Variants in PKN2 observed in about 807,000 individuals in gnomAD.
The protein encoded by PKN2 is protein kinase N2.
In PKN2, 38 loss-of-function variants were observed where a neutral mutation model predicts 119.1. That is an observed-to-expected ratio of 0.32 (90% confidence interval 0.25 to 0.42). The LOEUF (loss-of-function observed/expected upper bound fraction) is 0.42. Ranked by LOEUF, PKN2 falls within the 10% of genes least tolerant of loss-of-function variation. The pLI is 1.00. For missense variants in PKN2, 850 were observed against 1,165.1 expected (o/e 0.73, Z 3.94); for synonymous variants, 390 against 384.9 (o/e 1.01, Z -0.15).
At chr1:88,685,850 T>C (rs938780285) in intron 1 of PKN2, among the ~76,000 whole-genome samples, 1 of 152,224 alleles carries the variant, frequency 6.6e-6, no homozygotes, top group Admixed American at 6.5e-5. Context: ...CTTGTTTAAA[T>C]ATACTTTTTA....
In PKN2 at chr1:88,684,290, A is replaced by G. The variant is rs1665969333; in HGVS notation, c.-291A>G. On this transcript the variant is annotated 5_prime_UTR_variant, in exon 1 of 22. Coordinates refer to ENST00000370521, the MANE Select transcript of PKN2 (RefSeq NM_006256.4). Reference sequence around the variant, plus strand: ...CTGCAGCCGCGGCCGCAGCGCCCGCACGGAGAGGCTTGAGGCGGCTCCTGG... The same window carrying G: ...CTGCAGCCGCGGCCGCAGCGCCCGCGCGGAGAGGCTTGAGGCGGCTCCTGG... 2.8e-6 allele frequency: 1 copy of G among 357,784 alleles called. No homozygotes were observed. Among genetic ancestry groups the G allele is most frequent in the African/African-American group, 2.1e-5 (1 of 47,458 alleles). 22.2% of individuals were successfully genotyped at this position (357,784 alleles called of 1,614,324 possible). A position where few individuals can be genotyped will look rare whatever the true frequency, so the allele number is the denominator to read the frequency against.
intron 15 of PKN2, among the ~76,000 whole-genome samples, chr1:88,810,616 A>G (rs1020610205): frequency 6.6e-6 from 1 of 151,850 alleles, no homozygotes; most frequent in Non-Finnish European, 1.5e-5. Context: ...CTTTATCTAT[A>G]TATTTTTTGA....
chr1:88,691,862 T>A (rs1293590858), intron 1 of PKN2, among the ~76,000 whole-genome samples: 4 of 152,220 alleles, frequency 2.6e-5, no homozygotes. Flanking sequence ...GTAATTACAG[T>A]ATAGTTATAA....
chr1:88,762,477 C>T (rs1004099365), intron 3 of PKN2, among the ~76,000 whole-genome samples: 12 of 152,056 alleles, frequency 7.9e-5, no homozygotes, highest in African/African-American at 2.9e-4. Flanking sequence ...GGTCAGAGTA[C>T]ATCGTTTTAG....
chr1:88,757,354 G>T (rs1296794106), intron 2 of PKN2, among the ~76,000 whole-genome samples: 7 of 152,124 alleles, frequency 4.6e-5, no homozygotes, highest in African/African-American at 1.7e-4. Context: ...TTTAGAAACA[G>T]TGTCTGACTT....
chr1:88,769,090 C>T (rs2100797772), intron 3 of PKN2, among the ~76,000 whole-genome samples: 1 of 152,322 alleles, frequency 6.6e-6, no homozygotes, highest in Middle Eastern at 3.4e-3. Flanking sequence ...GACCTAAATA[C>T]CTTCCAGTAG....
chr1:88,817,788 T>C (rs1209889935), intron 16 of PKN2, among the ~76,000 whole-genome samples: 1 of 150,750 alleles, frequency 6.6e-6, no homozygotes, highest in African/African-American at 2.5e-5. Flanking sequence ...AACTAGGTGT[T>C]GATGGGACGT....
At chr1:88,758,038 C>CAAAAAAAAAAAAAAAAAAAAAAAA (rs33914457) in intron 2 of PKN2, among the ~76,000 whole-genome samples, 2 of 59,070 alleles carry the variant, frequency 3.4e-5, no homozygotes, top group African/African-American at 6.8e-5. Context: ...GAGACTATCT[C>CAAAAAAAAAAAAAAAAAAAAAAAA]AAAAAAAAAA....
chr1:88,720,596 G>A (rs1012784653), intron 1 of PKN2, among the ~76,000 whole-genome samples: 1 of 152,146 alleles, frequency 6.6e-6, no homozygotes, highest in African/African-American at 2.4e-5. Context: ...TAATGTATAA[G>A]TAGCCCTTTT....
chr1:88,721,722 C>A (rs1224540246), intron 1 of PKN2, among the ~76,000 whole-genome samples: 1 of 152,034 alleles, frequency 6.6e-6, no homozygotes, highest in Non-Finnish European at 1.5e-5. Context: ...TCTAAAAAGT[C>A]TTTTTTGCAT....
At chr1:88,755,457 A>C (rs1038887785) in intron 2 of PKN2, among the ~76,000 whole-genome samples, 1 of 152,174 alleles carries the variant, frequency 6.6e-6, no homozygotes, top group Non-Finnish European at 1.5e-5. Flanking sequence ...ATAGGTGTAC[A>C]CTTTTGTGAC....
chr1:88,767,830 CTCACTTTT>C (rs1239298095), intron 3 of PKN2, among the ~76,000 whole-genome samples: 3 of 152,186 alleles, frequency 2.0e-5, no homozygotes. Flanking sequence ...TATATTTCAG[CTCACTTTT>C]ATTCCCCTTA....
chr1:88,809,008 C>A (rs577337568), intron 15 of PKN2, among the ~76,000 whole-genome samples: 13 of 152,184 alleles, frequency 8.5e-5, no homozygotes, highest in African/African-American at 3.1e-4. Context: ...GTAGATATGC[C>A]AAATTGCAAC....
chr1:88,691,846 A>C (rs530204169), intron 1 of PKN2, among the ~76,000 whole-genome samples: 9 of 141,060 alleles, frequency 6.4e-5, no homozygotes, highest in African/African-American at 2.3e-4. Flanking sequence ...AACCACACTC[A>C]TAACTGTAAT....
chr1:88,817,987 G>A lies in PKN2; in HGVS notation c.2280-3954G>A, dbSNP rs111668753. 5.2e-3 allele frequency among the ~76,000 whole-genome samples: 794 copies of A among 152,168 alleles called. 3 individuals are homozygous for A. Among genetic ancestry groups the A allele is most frequent in the African/African-American group, 0.018 (747 of 41,524 alleles). On this transcript the variant is annotated intron_variant, in intron 16 of 21. Coordinates refer to ENST00000370521, the MANE Select transcript of PKN2 (RefSeq NM_006256.4). ...ATTTAGAAAACCCCATCATCTCAGC[G>A]CAAAATCTCCTTAAGCTGATAAGCA...
intron 16 of PKN2, among the ~76,000 whole-genome samples, chr1:88,820,227 TATATATAAATAGAA>T (rs1380731371): frequency 1.7e-3 from 61 of 35,160 alleles, no homozygotes; most frequent in African/African-American, 6.5e-3. Flanking sequence ...TATATATATA[TATATATAAATAGAA>T]AAAAATAAAA....
chr1:88,740,895 CAAG>C (rs2100744320), intron 1 of PKN2, 90 bp from the exon 2 acceptor site: 1 of 726,918 alleles, frequency 1.4e-6, no homozygotes, highest in African/African-American at 1.8e-5. Flanking sequence ...GTAATGTAAT[CAAG>C]AAAGACTCTC....
In PKN2 at chr1:88,750,110, G is replaced by C. The variant is rs1668928989; in HGVS notation, c.349+8822G>C. Among the ~76,000 whole-genome samples the C allele has an allele frequency of 2.0e-5, 3 of 152,276 alleles. No homozygotes were observed. The South Asian group carries it at 6.2e-4, about 32-fold the overall frequency. ...GGACAGACAATATGTACCCTATCTA[G>C]GGTGTTTTGTGAACATGGTATTTTG... On this transcript the variant is annotated intron_variant, in intron 2 of 21. Transcript: ENST00000370521.
intron 1 of PKN2, among the ~76,000 whole-genome samples, chr1:88,706,876 T>C (rs993629299): frequency 6.6e-6 from 1 of 152,162 alleles, no homozygotes; most frequent in Non-Finnish European, 1.5e-5. Context: ...TGTCCAGATA[T>C]CTTCCTTTTA....
Sources: gnomAD v4.1 joint callset for allele counts (sites outside exome capture counted in the v4.1 genomes callset) on GRCh38, gnomAD v4.1.1 for gene constraint, MANE v1.5 for transcripts, NCBI Gene and HGNC (gene_info 2026-07-23, HGNC 2026-07-21) for gene names.